Variants in TMC2 observed in about 807,000 individuals in gnomAD.
TMC2 encodes the protein transmembrane channel like 2.
Under a neutral mutation model 105.9 loss-of-function variants are expected in TMC2, and 102 were observed. The observed-to-expected ratio is 0.96, with a 90% CI of 0.82 to 1.14. TMC2 has a LOEUF of 1.14. Ranked by LOEUF, TMC2 falls within the 50% of genes most tolerant of loss-of-function variation. TMC2 has a pLI of 0.00. For missense variants in TMC2, 1,093 were observed against 1,134.3 expected, an observed-to-expected ratio of 0.96 and a Z score of 0.52; for synonymous variants, 402 against 422.8, an observed-to-expected ratio of 0.95 and a Z score of 0.60.
intron 5 of TMC2, among the ~76,000 whole-genome samples, chr20:2,578,245 C>T (rs6050294): frequency 4.0e-5 from 6 of 151,432 alleles, no homozygotes; most frequent in African/African-American, 1.2e-4. Context: ...GCTTGAACCC[C>T]GGAGGTGGAG....
In TMC2 at chr20:2,558,810, C is replaced by A. The variant is rs758476344; in HGVS notation, c.401+36C>A. Reference sequence around the variant, plus strand: ...GCTCCGATTCTGGGCATTCGCTCCGCGCGCTCCCGCTCCTTCGCGGCCCTT... The same window carrying A: ...GCTCCGATTCTGGGCATTCGCTCCGAGCGCTCCCGCTCCTTCGCGGCCCTT... On this transcript the variant is annotated intron_variant, in intron 3 of 19. Transcript: ENST00000358864. The surrounding 1 kb of genome is among the most constrained non-coding windows in gnomAD (Gnocchi z 4.6). The A allele has an allele frequency of 6.7e-7, 1 of 1,494,652 alleles. No homozygotes were observed. The highest frequency in any genetic ancestry group is 8.9e-7 in the Non-Finnish European group (1 of 1,122,344). 92.6% of individuals were successfully genotyped at this position (1,494,652 alleles called of 1,614,324 possible).
At chr20:2,615,549 C>T (rs1322563407) in intron 14 of TMC2, among the ~76,000 whole-genome samples, 1 of 152,180 alleles carries the variant, frequency 6.6e-6, no homozygotes, top group Non-Finnish European at 1.5e-5. Flanking sequence ...TATGTTCTTT[C>T]AAATATTCGG....
intron 4 of TMC2, among the ~76,000 whole-genome samples, chr20:2,568,550 GC>G (rs2086080292): frequency 6.6e-6 from 1 of 152,186 alleles, no homozygotes; most frequent in East Asian, 1.9e-4. Flanking sequence ...CGCAAGAGCT[GC>G]CCCTACTTTT....
intron 7 of TMC2, among the ~76,000 whole-genome samples, chr20:2,581,320 T>C (rs2086187950): frequency 6.6e-6 from 1 of 152,252 alleles, no homozygotes; most frequent in Non-Finnish European, 1.5e-5. Context: ...TTACTCAAAA[T>C]GTGTGCTTAC....
intron 5 of TMC2, among the ~76,000 whole-genome samples, chr20:2,578,615 C>T (rs528336322): frequency 2.6e-5 from 4 of 152,206 alleles, no homozygotes; most frequent in Non-Finnish European, 4.4e-5. Flanking sequence ...TTCAGAAAAG[C>T]GAGGCTGTTG....
At chr20:2,622,256 C>A (rs1036845522) in intron 16 of TMC2, among the ~76,000 whole-genome samples, 1 of 152,186 alleles carries the variant, frequency 6.6e-6, no homozygotes, top group Non-Finnish European at 1.5e-5. Flanking sequence ...TATTTACAGA[C>A]ACTAAAATTT....
At chr20:2,564,270 C>A (rs994383037) in intron 4 of TMC2, among the ~76,000 whole-genome samples, 2 of 151,518 alleles carry the variant, frequency 1.3e-5, no homozygotes, top group Non-Finnish European at 2.9e-5. Flanking sequence ...CCTGCCTCAG[C>A]CTGCCGAGTA....
At chr20:2,641,048 C>T (rs958640511) in intron 19 of TMC2, 86 bp from the exon 20 acceptor site, 5 of 1,176,116 alleles carry the variant, frequency 4.3e-6, no homozygotes, top group Non-Finnish European at 5.0e-6. Flanking sequence ...AAAACCTACA[C>T]ACACCGCAGG....
rs1482798814 is a variant in TMC2 at position 2,642,351 on chromosome 20, A to T, written c.*1000A>T. Among the ~76,000 whole-genome samples the T allele has an allele frequency of 1.3e-5, 2 of 152,216 alleles. No homozygotes were observed. Among genetic ancestry groups the T allele is most frequent in the African/African-American group, 2.4e-5 (1 of 41,458 alleles). On this transcript the variant is annotated 3_prime_UTR_variant, in exon 20 of 20. Transcript: ENST00000358864. The stretch of plus-strand genomic sequence containing the variant: ...CCAAGGGAAGCTTACACCATGGAGC[A>T]CAAAACAGGGAGTGAAAACAGTGAA...
intron 2 of TMC2, among the ~76,000 whole-genome samples, chr20:2,545,833 G>GAAAGAAAGAAA (rs1239107832): frequency 1.7e-5 from 2 of 118,072 alleles, no homozygotes; most frequent in East Asian, 4.6e-4. Context: ...AAGAAAGAAA[G>GAAAGAAAGAAA]AAAGAAAGAA....
intron 17 of TMC2, among the ~76,000 whole-genome samples, chr20:2,630,632 G>A (rs1296524730): frequency 2.6e-5 from 4 of 152,016 alleles, no homozygotes; most frequent in Non-Finnish European, 5.9e-5. Flanking sequence ...TATCAGCCTG[G>A]GCAACATGGC....
chr20:2,636,459 T>TACACACAC (rs3051763), intron 18 of TMC2, among the ~76,000 whole-genome samples: 7,801 of 143,412 alleles, frequency 0.054, 318 homozygotes, highest in Admixed American at 0.13. Context: ...GACTGCTGTC[T>TACACACAC]ACACACACAC....
chr20:2,623,640 C>A (rs2086542513), intron 16 of TMC2, among the ~76,000 whole-genome samples: 1 of 152,124 alleles, frequency 6.6e-6, no homozygotes, highest in Non-Finnish European at 1.5e-5. Flanking sequence ...ACCCCGTATT[C>A]CACCTCTTGG....
intron 11 of TMC2, among the ~76,000 whole-genome samples, chr20:2,605,223 G>A (rs559173666): frequency 6.6e-6 from 1 of 152,304 alleles, no homozygotes; most frequent in South Asian, 2.1e-4. Flanking sequence ...AGTGTCAAAT[G>A]TGTCTGACAC....
intron 4 of TMC2, among the ~76,000 whole-genome samples, chr20:2,570,324 G>A (rs559279863): frequency 1.3e-5 from 2 of 151,954 alleles, no homozygotes; most frequent in East Asian, 1.9e-4. Context: ...ATGTACAAAT[G>A]TACAAAAATC....
intron 9 of TMC2, among the ~76,000 whole-genome samples, chr20:2,596,733 GTGTGTGTGTGTA>G (rs1231567155): frequency 1.3e-5 from 2 of 151,556 alleles, no homozygotes; most frequent in East Asian, 3.9e-4. Flanking sequence ...GTGTGTGTGT[GTGTGTGTGTGTA>G]TGTGTGTGTG....
chr20:2,588,927 T>G (rs1401413913), intron 7 of TMC2, among the ~76,000 whole-genome samples: 1 of 152,168 alleles, frequency 6.6e-6, no homozygotes. Flanking sequence ...TTCTATAACT[T>G]CCATTTGATT....
At chr20:2,546,102 T>C (rs1040590832) in intron 2 of TMC2, among the ~76,000 whole-genome samples, 1 of 152,180 alleles carries the variant, frequency 6.6e-6, no homozygotes, top group Non-Finnish European at 1.5e-5. Flanking sequence ...AGTAGTGTTT[T>C]ATGGAGGCAG....
intron 16 of TMC2, among the ~76,000 whole-genome samples, chr20:2,620,547 A>G (rs2086517500): frequency 6.6e-6 from 1 of 152,250 alleles, no homozygotes; most frequent in Non-Finnish European, 1.5e-5. Flanking sequence ...TTCTCATGAC[A>G]TACATGAAAA....
Sources: allele counts gnomAD v4.1 joint callset (sites outside exome capture counted in the v4.1 genomes callset), GRCh38; gene constraint gnomAD v4.1.1; non-coding constraint Gnocchi (gnomAD v3.1); transcripts MANE v1.5; gene names NCBI Gene and HGNC (gene_info 2026-07-23, HGNC 2026-07-21).